The following SORCS3 variants were observed in gnomAD, a reference collection of about 807,000 sequenced individuals.
SORCS3 encodes the protein sortilin related VPS10 domain containing receptor 3, also known as VPS10 domain-containing receptor SorCS3.
In SORCS3, 57 loss-of-function variants were observed where a neutral mutation model predicts 146.3. That is an observed-to-expected ratio of 0.39 (90% CI 0.31 to 0.49). The LOEUF is 0.49. Among genes scored for constraint, SORCS3 ranks in the 20% least tolerant of loss-of-function variants. SORCS3 has a pLI of 0.92. For synonymous variants in SORCS3, 653 were observed against 618.5 expected (o/e 1.06, Z -0.83); for missense variants, 1,341 against 1,575.5 (o/e 0.85, Z 2.52).
chr10:104,786,832 A>C (rs1447528054), intron 1 of SORCS3, among the ~76,000 whole-genome samples: 1 of 152,100 alleles, frequency 6.6e-6, no homozygotes, highest in Non-Finnish European at 1.5e-5. Flanking sequence ...TTCTGGACTG[A>C]AGCTTGGCTT....
In SORCS3 at chr10:105,210,682, A is replaced by G. The variant is rs191027908; in HGVS notation, c.2262-455A>G. On this transcript the variant is annotated intron_variant, in intron 16 of 26. Transcript: ENST00000369701. Reference sequence around the variant, plus strand: ...TTAGGGAAATAGGGGCCTTTGTTTTATCTCATCAGGAAAAGTTTGAATGAC... The same window carrying G: ...TTAGGGAAATAGGGGCCTTTGTTTTGTCTCATCAGGAAAAGTTTGAATGAC... 2.7e-3 allele frequency among the ~76,000 whole-genome samples: 415 copies of G among 152,282 alleles called. 1 individual carries two copies. The highest frequency in any genetic ancestry group is 0.01 in the Middle Eastern group (3 of 292).
rs558471686 is a variant in SORCS3 at position 104,811,692 on chromosome 10, G to A, written c.628-31100G>A. On this transcript the variant is annotated intron_variant, in intron 1 of 26. Transcript: ENST00000369701. ...GCATCTCATGGGGAGAGGTTCATAC[G>A]CAGGGAGTCAGGTCAGAGACCAGAG... 1.2e-4 allele frequency among the ~76,000 whole-genome samples: 19 copies of A among 152,312 alleles called. No homozygotes were observed. The South Asian group carries it at 1.9e-3, about 15-fold the overall frequency.
chr10:104,642,878 C>T lies in SORCS3; in HGVS notation c.627+924C>T, dbSNP rs112624512. Among the ~76,000 whole-genome samples the T allele has an allele frequency of 2.0e-5, 3 of 152,336 alleles. 1 individual carries two copies. The highest frequency in any genetic ancestry group is 7.2e-5 in the African/African-American group (3 of 41,586). On this transcript the variant is annotated intron_variant, in intron 1 of 26. Coordinates refer to ENST00000369701, the MANE Select transcript of SORCS3 (RefSeq NM_014978.3). The stretch of plus-strand genomic sequence containing the variant: ...TCGTTGAGCCCGGTCTGGCCTACTC[C>T]GGCATTCCGAACTGGGCGCCCGACT...
chr10:104,781,336 T>C (rs2017371912), intron 1 of SORCS3, among the ~76,000 whole-genome samples: 3 of 152,238 alleles, frequency 2.0e-5, no homozygotes, highest in Non-Finnish European at 2.9e-5. Context: ...CCACCACAGC[T>C]GCTAGCATCA....
chr10:105,056,390 C>A (rs1421795100), intron 5 of SORCS3, among the ~76,000 whole-genome samples: 2 of 152,110 alleles, frequency 1.3e-5, no homozygotes, highest in Admixed American at 6.6e-5. Flanking sequence ...TCACTCCCAG[C>A]AACTCTGTTA....
At chr10:105,170,284 T>C (rs1390159429) in intron 13 of SORCS3, among the ~76,000 whole-genome samples, 2 of 152,104 alleles carry the variant, frequency 1.3e-5, no homozygotes. Flanking sequence ...GTTGGGAAAA[T>C]TACTCAATAT....
intron 1 of SORCS3, among the ~76,000 whole-genome samples, chr10:104,681,798 T>C (rs1486025534): frequency 6.6e-6 from 1 of 152,182 alleles, no homozygotes. Context: ...CTCGGAATGC[T>C]CTGTCCCCTG....
chr10:104,941,379 A>G (rs1429180705), intron 3 of SORCS3, among the ~76,000 whole-genome samples: 1 of 152,182 alleles, frequency 6.6e-6, no homozygotes, highest in Non-Finnish European at 1.5e-5. Context: ...TGATTTTATA[A>G]TATAAGGAAG....
chr10:104,852,059 C>T lies in SORCS3; in HGVS notation c.695+9200C>T, dbSNP rs575259898. ...CAAGTTAAAGCTAAAGCTGAGCTGT[C>T]TTCCAATACATAAGGTTTATCTTGT... is the stretch of plus-strand genomic sequence containing the variant. On this transcript the variant is annotated intron_variant, in intron 2 of 26. Coordinates refer to ENST00000369701, the MANE Select transcript of SORCS3 (RefSeq NM_014978.3). Among the ~76,000 whole-genome samples the T allele has an allele frequency of 3.3e-4, 50 of 152,234 alleles. 1 individual carries two copies. The highest frequency in any genetic ancestry group is 6.2e-4 in the Non-Finnish European group (42 of 68,040).
chr10:105,189,489 G>A (rs529122580), intron 14 of SORCS3, among the ~76,000 whole-genome samples: 8 of 152,208 alleles, frequency 5.3e-5, no homozygotes, highest in Non-Finnish European at 8.8e-5. Context: ...CCCTTTAGGC[G>A]CAGGAGCCTG....
chr10:105,072,300 T>C (rs1039591443), intron 5 of SORCS3, among the ~76,000 whole-genome samples: 3 of 152,166 alleles, frequency 2.0e-5, no homozygotes, highest in Admixed American at 6.5e-5. Flanking sequence ...GCAATTGATC[T>C]TGTAAACTTT....
intron 1 of SORCS3, among the ~76,000 whole-genome samples, chr10:104,714,164 G>A (rs2016450764): frequency 6.6e-6 from 1 of 151,900 alleles, no homozygotes; most frequent in Non-Finnish European, 1.5e-5. Flanking sequence ...ATCTTCATGA[G>A]ATATTTGTCA....
Position 105,094,287 on chromosome 10 carries a change from C to T in SORCS3, c.1093+4448C>T, listed in dbSNP as rs1233030755. Among the ~76,000 whole-genome samples, 3 of 152,078 alleles carry T rather than the reference C, an allele frequency of 2.0e-5. 1 individual carries two copies. Among genetic ancestry groups the T allele is most frequent in the Admixed American group, 1.3e-4 (2 of 15,264 alleles). On this transcript the variant is annotated intron_variant, in intron 6 of 26. Coordinates refer to ENST00000369701, the MANE Select transcript of SORCS3 (RefSeq NM_014978.3). Reference sequence around the variant, plus strand: ...TGTAACCTGATTGTGGTGGTGGTTACGTAAGTCTATATATCTGTTCAAACT... The same window carrying T: ...TGTAACCTGATTGTGGTGGTGGTTATGTAAGTCTATATATCTGTTCAAACT...
intron 3 of SORCS3, among the ~76,000 whole-genome samples, chr10:104,965,679 G>A (rs1213149133): frequency 6.6e-6 from 1 of 152,128 alleles, no homozygotes; most frequent in Non-Finnish European, 1.5e-5. Flanking sequence ...AATGATTAGT[G>A]ATTTTGAACA....
intron 1 of SORCS3, among the ~76,000 whole-genome samples, chr10:104,723,981 A>G (rs9663209): frequency 0.55 from 84,086 of 151,890 alleles, 23,480 homozygotes; most frequent in East Asian, 0.7. Context: ...TTTCATTTAA[A>G]GTTAATATTG....
rs560220373 is a variant in SORCS3 at position 105,180,392 on chromosome 10, G to A, written c.2009+2219G>A. Among the ~76,000 whole-genome samples, 66 of 152,318 alleles carry A rather than the reference G, an allele frequency of 4.3e-4. No individual in the cohort carries two copies. In the South Asian group the frequency reaches 0.013, roughly 30 times the overall value. On this transcript the variant is annotated intron_variant, in intron 14 of 26. Transcript: ENST00000369701. Reference sequence around the variant, plus strand: ...AATATAAACTCAGTGCTGAAAGCAAGGATTGGCATGTTGTAGGAAGTCAGT... The same window carrying A: ...AATATAAACTCAGTGCTGAAAGCAAAGATTGGCATGTTGTAGGAAGTCAGT...
At chr10:104,654,092 A>G (rs868811970) in intron 1 of SORCS3, among the ~76,000 whole-genome samples, 1 of 152,126 alleles carries the variant, frequency 6.6e-6, no homozygotes, top group Non-Finnish European at 1.5e-5. Flanking sequence ...ACTTAACATA[A>G]TGACCTCTAC....
chr10:105,259,305 C>G (rs1374148677), intron 25 of SORCS3, among the ~76,000 whole-genome samples: 1 of 152,218 alleles, frequency 6.6e-6, no homozygotes, highest in African/African-American at 2.4e-5. Flanking sequence ...AAAGACATTT[C>G]TGTTTCTGTG....
chr10:104,646,701 C>G (rs770974647), intron 1 of SORCS3, among the ~76,000 whole-genome samples: 2 of 152,068 alleles, frequency 1.3e-5, no homozygotes, highest in Non-Finnish European at 2.9e-5. Context: ...ACTTCCCTTA[C>G]AGGGAGAAAA....
Sources: allele counts gnomAD v4.1 joint callset (sites outside exome capture counted in the v4.1 genomes callset), GRCh38; gene constraint gnomAD v4.1.1; transcripts MANE v1.5; gene names NCBI Gene and HGNC (gene_info 2026-07-23, HGNC 2026-07-21).